The following AKAP19 variants were observed in gnomAD, a reference collection of about 807,000 sequenced individuals.
AKAP19 encodes A-kinase anchoring protein 19, also known as small A-kinase anchoring protein.
At chr2:190,031,860 A>C in the AKAP19 span, among the ~76,000 whole-genome samples, 1 of 152,212 alleles carries the variant, frequency 6.6e-6, no homozygotes, top group Non-Finnish European at 1.5e-5. Flanking sequence ...TTTTAAAAAA[A>C]ATTTCTGAAT....
the AKAP19 span, among the ~76,000 whole-genome samples, chr2:190,156,160 A>G: frequency 2.0e-5 from 3 of 152,276 alleles, no homozygotes; most frequent in African/African-American, 7.2e-5. Flanking sequence ...GCTCAGAAGT[A>G]GACCCAGTAC....
the AKAP19 span, among the ~76,000 whole-genome samples, chr2:190,193,736 G>A: frequency 2.6e-5 from 4 of 152,090 alleles, no homozygotes; most frequent in Non-Finnish European, 4.4e-5. Flanking sequence ...GTATAGAGAT[G>A]TATCTATTAG....
the AKAP19 span, among the ~76,000 whole-genome samples, chr2:190,199,214 A>AT: frequency 1.3e-5 from 2 of 152,136 alleles, no homozygotes; most frequent in African/African-American, 4.8e-5. Flanking sequence ...CTCAGCAAAC[A>AT]TTTTTTGTAA....
the AKAP19 span, among the ~76,000 whole-genome samples, chr2:189,947,541 C>T: frequency 1.3e-5 from 2 of 152,078 alleles, no homozygotes; most frequent in African/African-American, 4.8e-5. Flanking sequence ...AATCCCAATA[C>T]TGGATGTGAT....
chr2:190,098,448 T>C, the AKAP19 span, among the ~76,000 whole-genome samples: 376 of 152,302 alleles, frequency 2.5e-3, 1 homozygote, highest in African/African-American at 8.8e-3. Context: ...GAAATATTTT[T>C]TTTTTTCTGA....
chr2:190,043,917 T>A, the AKAP19 span, among the ~76,000 whole-genome samples: 1 of 152,224 alleles, frequency 6.6e-6, no homozygotes, highest in Admixed American at 6.5e-5. Context: ...GATCTTTATG[T>A]GAAGCTGACT....
chr2:190,082,090 AG>A, the AKAP19 span, among the ~76,000 whole-genome samples: 5 of 152,180 alleles, frequency 3.3e-5, no homozygotes, highest in African/African-American at 4.8e-5. Context: ...ATGCACAGTG[AG>A]GGTTTTTGTG....
the AKAP19 span, among the ~76,000 whole-genome samples, chr2:190,146,397 T>C: frequency 5.3e-5 from 8 of 152,342 alleles, no homozygotes; most frequent in African/African-American, 1.7e-4. Flanking sequence ...TGATGGCATT[T>C]GGGTTGGTTT....
chr2:189,988,487 G>A, the AKAP19 span, among the ~76,000 whole-genome samples: 1 of 152,210 alleles, frequency 6.6e-6, no homozygotes, highest in African/African-American at 2.4e-5. Flanking sequence ...CTTTCCCAAA[G>A]CTAGTTCAGC....
the AKAP19 span, among the ~76,000 whole-genome samples, chr2:190,097,911 G>T: frequency 8.1e-6 from 1 of 123,014 alleles, no homozygotes; most frequent in African/African-American, 3.0e-5. Context: ...AAGAAAAAAA[G>T]AAAGAAGCAG....
the AKAP19 span, among the ~76,000 whole-genome samples, chr2:190,171,873 T>C: frequency 3.9e-5 from 6 of 152,186 alleles, no homozygotes; most frequent in Admixed American, 3.9e-4. Context: ...TACTTTTTCA[T>C]CTGGATTTCT....
chr2:190,075,927 G>T, the AKAP19 span, among the ~76,000 whole-genome samples: 1 of 151,640 alleles, frequency 6.6e-6, no homozygotes, highest in Non-Finnish European at 1.5e-5. Flanking sequence ...TTATTTTTTA[G>T]TATTTCATTT....
the AKAP19 span, among the ~76,000 whole-genome samples, chr2:189,986,319 A>G: frequency 6.6e-6 from 1 of 152,074 alleles, no homozygotes; most frequent in Non-Finnish European, 1.5e-5. Context: ...GATGTTTGAA[A>G]CATGAACAAT....
the AKAP19 span, among the ~76,000 whole-genome samples, chr2:190,070,751 G>A: frequency 6.6e-6 from 1 of 151,572 alleles, no homozygotes; most frequent in African/African-American, 2.4e-5. Context: ...TAAGTCCCCA[G>A]TAATACAACA....
the AKAP19 span, among the ~76,000 whole-genome samples, chr2:190,128,378 G>A: frequency 6.6e-6 from 1 of 152,196 alleles, no homozygotes; most frequent in African/African-American, 2.4e-5. Context: ...TAGAGCTAAA[G>A]ATGGATTAAT....
chr2:190,116,789 T>A, the AKAP19 span, among the ~76,000 whole-genome samples: 1 of 152,218 alleles, frequency 6.6e-6, no homozygotes, highest in Non-Finnish European at 1.5e-5. Context: ...TGGTTTTGAT[T>A]TATTCTTAAA....
the AKAP19 span, among the ~76,000 whole-genome samples, chr2:190,163,395 C>T: frequency 1.3e-5 from 2 of 150,918 alleles, no homozygotes; most frequent in Non-Finnish European, 2.9e-5. Flanking sequence ...GATCGCGCCA[C>T]TGCACTCCAA....
the AKAP19 span, among the ~76,000 whole-genome samples, chr2:189,960,270 G>A: frequency 6.6e-6 from 1 of 152,116 alleles, no homozygotes; most frequent in Non-Finnish European, 1.5e-5. Context: ...ACATACAAAA[G>A]ACAACTGCAA....
chr2:190,193,563 ATTTC>A, the AKAP19 span, among the ~76,000 whole-genome samples: 1 of 152,110 alleles, frequency 6.6e-6, no homozygotes, highest in Non-Finnish European at 1.5e-5. Context: ...AAGATTTACA[ATTTC>A]TTTAATTGAT....
Sources: allele counts gnomAD v4.1 joint callset (sites outside exome capture counted in the v4.1 genomes callset), GRCh38; gene constraint gnomAD v4.1.1; transcripts MANE v1.5; gene names NCBI Gene and HGNC (gene_info 2026-07-23, HGNC 2026-07-21).